The following ZNF385D variants were observed in gnomAD, a reference collection of about 807,000 sequenced individuals.
The protein encoded by ZNF385D is zinc finger protein 385D.
ZNF385D carries 15 observed loss-of-function variants against 35.8 expected under a neutral mutation model. The ratio of observed to expected loss-of-function variants is 0.42; its 90% CI spans 0.28 to 0.64. The LOEUF (loss-of-function observed/expected upper bound fraction) is 0.64. Ranked by LOEUF, ZNF385D falls within the 30% of genes least tolerant of loss-of-function variation. The probability of loss-of-function intolerance (pLI) is 0.23; values close to 1 mark genes in which losing one functional copy is unlikely to be tolerated. For synonymous variants in ZNF385D, 212 were observed against 186.8 expected, an observed-to-expected ratio of 1.13 and a Z score of -1.10; for missense variants, 474 against 494.6, an observed-to-expected ratio of 0.96 and a Z score of 0.39.
chr3:22,204,915 T>TAG (rs138175994), intron 2 of ZNF385D, among the ~76,000 whole-genome samples: 1 of 130,648 alleles, frequency 7.7e-6, no homozygotes, highest in Non-Finnish European at 1.6e-5. Context: ...AAAGAGAGGA[T>TAG]AGAGAGAGAG....
At chr3:21,873,229 A>G (rs533300286) in intron 3 of ZNF385D, among the ~76,000 whole-genome samples, 24 of 152,196 alleles carry the variant, frequency 1.6e-4, no homozygotes, top group Admixed American at 4.6e-4. Context: ...CATGCAGCAT[A>G]CAATGTACTA....
At chr3:21,744,607 T>C (rs950337971) in intron 1 of ZNF385D, among the ~76,000 whole-genome samples, 2 of 152,174 alleles carry the variant, frequency 1.3e-5, no homozygotes, top group African/African-American at 4.8e-5. Flanking sequence ...AAGTGAAAGC[T>C]GAAAACTGAA....
intron 3 of ZNF385D, among the ~76,000 whole-genome samples, chr3:21,866,457 A>G (rs2125838875): frequency 6.6e-6 from 1 of 152,298 alleles, no homozygotes; most frequent in East Asian, 1.9e-4. Context: ...ACTCCATCTT[A>G]AAAAAGAAAT....
At chr3:22,317,085 C>G (rs192155529) in intron 2 of ZNF385D, among the ~76,000 whole-genome samples, 1 of 151,940 alleles carries the variant, frequency 6.6e-6, no homozygotes, top group Non-Finnish European at 1.5e-5. Context: ...CCAGACCAGC[C>G]TGACCAACAT....
chr3:21,483,118 C>A (rs1034832964), intron 4 of ZNF385D, among the ~76,000 whole-genome samples: 4 of 151,906 alleles, frequency 2.6e-5, no homozygotes, highest in African/African-American at 9.7e-5. Flanking sequence ...TATATTGCTC[C>A]AAAAAATAGT....
chr3:22,098,365 T>C (rs1237609459), intron 3 of ZNF385D, among the ~76,000 whole-genome samples: 2 of 152,108 alleles, frequency 1.3e-5, no homozygotes, highest in African/African-American at 2.4e-5. Context: ...CATCATTTAA[T>C]GAACACAATT....
chr3:22,186,054 G>C (rs774892500), intron 2 of ZNF385D, among the ~76,000 whole-genome samples: 1 of 151,874 alleles, frequency 6.6e-6, no homozygotes, highest in Non-Finnish European at 1.5e-5. Flanking sequence ...GACTTTCCTG[G>C]ACAAACACTC....
At chr3:21,921,220 C>CT in intron 3 of ZNF385D, among the ~76,000 whole-genome samples, 1 of 36,058 alleles carries the variant, frequency 2.8e-5, no homozygotes, top group Non-Finnish European at 6.0e-5. Flanking sequence ...GAGACTCCAT[C>CT]TCAAAAAAAA....
At chr3:22,059,554 G>A (rs1197338298) in intron 3 of ZNF385D, among the ~76,000 whole-genome samples, 2 of 152,208 alleles carry the variant, frequency 1.3e-5, no homozygotes, top group African/African-American at 4.8e-5. Flanking sequence ...AGGGTTGGTG[G>A]TGGTGGTGGT....
At chr3:21,714,799 G>A (rs1172285221) in intron 1 of ZNF385D, among the ~76,000 whole-genome samples, 1 of 152,008 alleles carries the variant, frequency 6.6e-6, no homozygotes. Flanking sequence ...TAAAATCCCT[G>A]TTCCTACTCT....
chr3:21,753,872 T>C (rs939644085), upstream of ZNF385D, among the ~76,000 whole-genome samples: 1 of 152,108 alleles, frequency 6.6e-6, no homozygotes, highest in Non-Finnish European at 1.5e-5. Context: ...CTGGTAACCA[T>C]TTTATTCCTG....
At chr3:22,269,241 G>C (rs954888809) in intron 2 of ZNF385D, among the ~76,000 whole-genome samples, 4 of 151,924 alleles carry the variant, frequency 2.6e-5, no homozygotes, top group Non-Finnish European at 5.9e-5. Context: ...AATGTAAAAT[G>C]AATGAGAGAA....
At chr3:21,580,341 C>T (rs1375707516) in intron 2 of ZNF385D, among the ~76,000 whole-genome samples, 2 of 152,084 alleles carry the variant, frequency 1.3e-5, no homozygotes, top group African/African-American at 4.8e-5. Context: ...AAGTAGTGTA[C>T]CAATTAATGG....
intron 3 of ZNF385D, among the ~76,000 whole-genome samples, chr3:22,081,426 C>T (rs905668017): frequency 2.0e-5 from 3 of 152,156 alleles, no homozygotes; most frequent in Non-Finnish European, 2.9e-5. Flanking sequence ...GTGAAACACA[C>T]ATATACTGTA....
chr3:21,632,276 A>G (rs2125837824), intron 2 of ZNF385D, among the ~76,000 whole-genome samples: 1 of 152,242 alleles, frequency 6.6e-6, no homozygotes, highest in East Asian at 1.9e-4. Flanking sequence ...CATCATATAG[A>G]AAAATAATAC....
intron 5 of ZNF385D, among the ~76,000 whole-genome samples, chr3:21,428,033 G>T (rs991317259): frequency 6.6e-6 from 1 of 152,068 alleles, no homozygotes; most frequent in Non-Finnish European, 1.5e-5. Context: ...CATTTAGTAA[G>T]ATATTGTCAA....
chr3:22,135,797 A>T (rs1704063900), intron 3 of ZNF385D, among the ~76,000 whole-genome samples: 1 of 152,234 alleles, frequency 6.6e-6, no homozygotes, highest in Non-Finnish European at 1.5e-5. Flanking sequence ...GACCAATATA[A>T]CAGAAGAGAG....
At chr3:22,322,778 A>C (rs139072091) in intron 2 of ZNF385D, among the ~76,000 whole-genome samples, 1 of 152,102 alleles carries the variant, frequency 6.6e-6, no homozygotes, top group Non-Finnish European at 1.5e-5. Context: ...CCATCCAGTA[A>C]TGTTTTTGTT....
intron 1 of ZNF385D, among the ~76,000 whole-genome samples, chr3:21,667,255 G>A (rs989844310): frequency 4.6e-5 from 7 of 152,066 alleles, no homozygotes; most frequent in Non-Finnish European, 8.8e-5. Context: ...TCAACCTCCC[G>A]GGCTTAGCTG....
Sources: allele counts gnomAD v4.1 joint callset (sites outside exome capture counted in the v4.1 genomes callset), GRCh38; gene constraint gnomAD v4.1.1; transcripts MANE v1.5; gene names NCBI Gene and HGNC (gene_info 2026-07-23, HGNC 2026-07-21).